The following NKAIN3 variants were observed in gnomAD, a reference collection of about 807,000 sequenced individuals.
The protein encoded by NKAIN3 is sodium/potassium-transporting ATPase subunit beta-1-interacting protein 3.
NKAIN3 carries 25 observed loss-of-function variants against 30.2 expected under a neutral mutation model. The observed-to-expected ratio is 0.83, with a 90% CI of 0.60 to 1.16. NKAIN3 has a LOEUF of 1.16. Among genes scored for constraint, NKAIN3 ranks in the 50% most tolerant of loss-of-function variants. The pLI is 0.00. For missense variants in NKAIN3, 225 were observed against 254.1 expected, an observed-to-expected ratio of 0.89 and a Z score of 0.78; for synonymous variants, 91 against 89.6, an observed-to-expected ratio of 1.02 and a Z score of -0.09.
chr8:62,500,407 AAAT>A, intron 1 of NKAIN3, among the ~76,000 whole-genome samples: 1 of 151,164 alleles, frequency 6.6e-6, no homozygotes, highest in East Asian at 1.9e-4. Flanking sequence ...TTAAGGAAAG[AAAT>A]AAGAAGGAAG....
intron 4 of NKAIN3, among the ~76,000 whole-genome samples, chr8:62,900,596 C>A (rs2130836532): frequency 6.6e-6 from 1 of 152,290 alleles, no homozygotes; most frequent in South Asian, 2.1e-4. Context: ...CAACTTAGCA[C>A]TTGGAGATAG....
chr8:62,690,546 A>G (rs568239482), intron 3 of NKAIN3, among the ~76,000 whole-genome samples: 2 of 152,324 alleles, frequency 1.3e-5, no homozygotes, highest in East Asian at 3.9e-4. Context: ...AGTATTCAGC[A>G]TTAGCGCCTC....
chr8:62,674,067 G>C (rs1813396175), intron 3 of NKAIN3, among the ~76,000 whole-genome samples: 1 of 152,198 alleles, frequency 6.6e-6, no homozygotes, highest in Admixed American at 6.5e-5. Context: ...ATGTTACTTT[G>C]TTGTGAAGTT....
intron 3 of NKAIN3, among the ~76,000 whole-genome samples, chr8:62,652,056 G>A (rs1443514819): frequency 1.3e-5 from 2 of 152,062 alleles, no homozygotes; most frequent in Non-Finnish European, 2.9e-5. Context: ...ATGGCAAAAG[G>A]GGCAAGGAAG....
chr8:62,400,941 C>T (rs1803841452), intron 1 of NKAIN3, among the ~76,000 whole-genome samples: 2 of 151,510 alleles, frequency 1.3e-5, no homozygotes, highest in South Asian at 4.2e-4. Flanking sequence ...CCTTCTTGTA[C>T]TTGGATATTG....
intron 4 of NKAIN3, among the ~76,000 whole-genome samples, chr8:62,870,014 C>T (rs995443571): frequency 1.3e-5 from 2 of 151,460 alleles, no homozygotes; most frequent in Non-Finnish European, 2.9e-5. Context: ...TCGTGATCCA[C>T]CCGCGTCGGC....
chr8:62,937,267 TATC>T (rs1563636145), intron 5 of NKAIN3, among the ~76,000 whole-genome samples: 4 of 152,086 alleles, frequency 2.6e-5, no homozygotes, highest in African/African-American at 9.7e-5. Context: ...TGCAGGAACA[TATC>T]AGGAAAACTG....
At chr8:62,565,753 C>A (rs1451850) in intron 1 of NKAIN3, among the ~76,000 whole-genome samples, 52,609 of 151,824 alleles carry the variant, frequency 0.35, 9,347 homozygotes, top group African/African-American at 0.43. Flanking sequence ...TATTGAAAGT[C>A]AAAAATGCAT....
At chr8:62,540,770 G>T (rs929933978) in intron 1 of NKAIN3, among the ~76,000 whole-genome samples, 2 of 151,310 alleles carry the variant, frequency 1.3e-5, no homozygotes, top group African/African-American at 2.4e-5. Context: ...CTATTGTCTA[G>T]ATCCCATGTC....
chr8:62,645,829 A>G (rs1812443106), intron 3 of NKAIN3, among the ~76,000 whole-genome samples: 1 of 152,174 alleles, frequency 6.6e-6, no homozygotes. Context: ...TCCCTTGTTT[A>G]GCCCACAAAG....
At chr8:62,630,086 A>G (rs1481199593) in intron 3 of NKAIN3, among the ~76,000 whole-genome samples, 1 of 152,030 alleles carries the variant, frequency 6.6e-6, no homozygotes, top group East Asian at 1.9e-4. Flanking sequence ...ATTCTATTTT[A>G]TTAGTAATAT....
intron 4 of NKAIN3, among the ~76,000 whole-genome samples, chr8:62,823,704 C>A (rs1370684451): frequency 6.6e-6 from 1 of 152,086 alleles, no homozygotes; most frequent in Non-Finnish European, 1.5e-5. Context: ...CCTTTATAAT[C>A]GCTGGAGATT....
chr8:62,464,152 G>C (rs1373790593), intron 1 of NKAIN3, among the ~76,000 whole-genome samples: 1 of 152,188 alleles, frequency 6.6e-6, no homozygotes, highest in East Asian at 1.9e-4. Context: ...GAAACTGGGT[G>C]AGGAGTATGT....
At chr8:62,806,485 T>C (rs1355167318) in intron 4 of NKAIN3, among the ~76,000 whole-genome samples, 3 of 152,186 alleles carry the variant, frequency 2.0e-5, no homozygotes, top group African/African-American at 7.2e-5. Context: ...TAAAAAATGA[T>C]GAGTTCATGT....
At chr8:62,504,088 A>G (rs1029174920) in intron 1 of NKAIN3, among the ~76,000 whole-genome samples, 6 of 152,190 alleles carry the variant, frequency 3.9e-5, no homozygotes, top group African/African-American at 1.4e-4. Context: ...GGGGTCCCTG[A>G]CTTCCCACAA....
chr8:62,604,954 T>G (rs1811078957), intron 3 of NKAIN3, among the ~76,000 whole-genome samples: 1 of 152,236 alleles, frequency 6.6e-6, no homozygotes, highest in Middle Eastern at 3.4e-3. Context: ...AAAATCCTGC[T>G]CTCGTCACAG....
At chr8:62,301,946 A>G (rs1373871168) in intron 1 of NKAIN3, among the ~76,000 whole-genome samples, 2 of 151,980 alleles carry the variant, frequency 1.3e-5, no homozygotes, top group African/African-American at 4.8e-5. Context: ...CTATCTTACC[A>G]CCTGTACCAT....
rs1479028580 is a variant in NKAIN3, at chr8:62,971,326, C to A, written c.*5919C>A. 6.6e-6 allele frequency among the ~76,000 whole-genome samples: 1 copy of A among 152,166 alleles called. No individual in the cohort carries two copies. Among genetic ancestry groups the A allele is most frequent in the African/African-American group, 2.4e-5 (1 of 41,442 alleles). ...GTATTATAGTCTTTATTCTTAATGA[C>A]TTTATGCTTAACTAAAAAGTAAGAG... On this transcript the variant is annotated 3_prime_UTR_variant, in exon 7 of 7. Transcript: ENST00000623646.
At chr8:62,644,778 A>G (rs1380928819) in intron 3 of NKAIN3, among the ~76,000 whole-genome samples, 2 of 152,154 alleles carry the variant, frequency 1.3e-5, no homozygotes, top group Admixed American at 6.6e-5. Context: ...TTTAATTTTC[A>G]TCATCCACAG....
Sources: allele counts gnomAD v4.1 joint callset (sites outside exome capture counted in the v4.1 genomes callset), GRCh38; gene constraint gnomAD v4.1.1; transcripts MANE v1.5; gene names NCBI Gene and HGNC (gene_info 2026-07-23, HGNC 2026-07-21).